Variants in DOCK9 observed in about 807,000 individuals in gnomAD.
The protein encoded by DOCK9 is dedicator of cytokinesis 9.
DOCK9 carries 89 observed loss-of-function variants against 263.3 expected under a neutral mutation model. The ratio of observed to expected loss-of-function variants is 0.34; its 90% CI spans 0.28 to 0.40. The LOEUF (loss-of-function observed/expected upper bound fraction) is 0.40. DOCK9 is among the 10% of genes least tolerant of loss of function. DOCK9 has a pLI of 1.00. For synonymous variants in DOCK9, 976 were observed against 973.1 expected, an observed-to-expected ratio of 1.00 and a Z score of -0.06; for missense variants, 2,140 against 2,603.4, an observed-to-expected ratio of 0.82 and a Z score of 3.87.
chr13:98,887,141 ATATTTTTTT>A (rs2045850053), intron 18 of DOCK9, among the ~76,000 whole-genome samples: 1 of 59,640 alleles, frequency 1.7e-5, no homozygotes, highest in Non-Finnish European at 3.0e-5. Flanking sequence ...ATATATATAT[ATATTTTTTT>A]TTTTTTTTTT....
chr13:98,835,772 G>GCT (rs1223173625), intron 39 of DOCK9, among the ~76,000 whole-genome samples: 1 of 116,466 alleles, frequency 8.6e-6, no homozygotes, highest in Non-Finnish European at 1.6e-5. Flanking sequence ...ACGAAGTCTT[G>GCT]CTCTGTTGCC....
intron 9 of DOCK9, 118 bp from the exon 10 acceptor site, chr13:98,904,824 G>A (rs1039445884): frequency 3.5e-5 from 28 of 806,882 alleles, no homozygotes; most frequent in African/African-American, 2.1e-4. Context: ...GCTCTGCCTC[G>A]TGTTGGAGAG....
intron 1 of DOCK9, among the ~76,000 whole-genome samples, chr13:99,058,532 T>C (rs2041033668): frequency 6.6e-6 from 1 of 152,066 alleles, no homozygotes. Context: ...AGATGAGACA[T>C]CTGCTTGTGT....
intron 52 of DOCK9, among the ~76,000 whole-genome samples, chr13:98,795,815 G>A (rs905934235): frequency 4.6e-5 from 7 of 150,964 alleles, no homozygotes; most frequent in Non-Finnish European, 8.8e-5. Flanking sequence ...CTAGAGGGTA[G>A]TGGCATGATC....
intron 49 of DOCK9, among the ~76,000 whole-genome samples, chr13:98,803,435 C>G (rs1034851828): frequency 1.1e-4 from 16 of 152,248 alleles, no homozygotes; most frequent in Non-Finnish European, 2.9e-5. Flanking sequence ...TCTGAGCATG[C>G]ACCAGGATAA....
In DOCK9 at chr13:98,933,694, C is replaced by T. The variant is rs370987607; in HGVS notation, c.244-3437G>A. 1.7e-4 allele frequency among the ~76,000 whole-genome samples: 26 copies of T among 152,358 alleles called. 1 individual carries two copies. The South Asian group carries it at 5.0e-3, about 29-fold the overall frequency. ...CTTCGTGCATGTCTTGAACTACACA[C>T]TATTTGATCTCTTTCAGATAATCTC... On this transcript the variant is annotated intron_variant, in intron 2 of 52. Transcript: ENST00000682017.
intron 1 of DOCK9, among the ~76,000 whole-genome samples, chr13:98,974,927 TAGAA>T (rs2060092158): frequency 6.6e-6 from 1 of 152,142 alleles, no homozygotes; most frequent in Non-Finnish European, 1.5e-5. Flanking sequence ...GAACTTATGA[TAGAA>T]AGTTTCTAGA....
intron 20 of DOCK9, 90 bp from the exon 21 acceptor site, chr13:98,885,182 T>A: frequency 1.3e-6 from 2 of 1,520,108 alleles, no homozygotes; most frequent in South Asian, 2.6e-5. Flanking sequence ...CGTCTGATTT[T>A]TAAGAACTTT....
chr13:98,952,218 G>A (rs560091300), intron 2 of DOCK9, among the ~76,000 whole-genome samples: 12 of 151,266 alleles, frequency 7.9e-5, no homozygotes, highest in African/African-American at 2.9e-4. Flanking sequence ...ATAACCTGAT[G>A]GCTGGGAACT....
At chr13:98,928,792 T>C (rs1283710885) in intron 3 of DOCK9, among the ~76,000 whole-genome samples, 1 of 152,316 alleles carries the variant, frequency 6.6e-6, no homozygotes, top group Non-Finnish European at 1.5e-5. Flanking sequence ...TTGCAGGTCA[T>C]AGTTTGCCAC....
chr13:98,907,322 C>T (rs1036108556), intron 9 of DOCK9, among the ~76,000 whole-genome samples: 6 of 152,296 alleles, frequency 3.9e-5, no homozygotes, highest in South Asian at 2.1e-4. Flanking sequence ...TGTTCTCAGA[C>T]GCTAGAGCAG....
At chr13:98,861,723 A>C (rs2093876529) in intron 32 of DOCK9, among the ~76,000 whole-genome samples, 2 of 152,238 alleles carry the variant, frequency 1.3e-5, no homozygotes, top group African/African-American at 4.8e-5. Flanking sequence ...ACTGAGTAAA[A>C]AAGAGCAAAA....
At position 98,902,335 on chromosome 13, in the gene DOCK9, C is replaced by T; in HGVS notation, c.1333G>A (p.Val445Ile). The change falls in exon 12 of 53, where the codon GTC becomes ATC. Residue 445 changes from valine (V) to isoleucine (I), a missense_variant. This residue lies in a region of DOCK9 where 1,521 missense variants were observed against 1,741.7 expected (regional missense o/e 0.87). Transcript: ENST00000682017. ...LMNGSGQSPS[V>I]LKGILHEAAM... is the part of the protein sequence containing the mutation. ...GCTTCATGAAGGATGCCCTTGAGGA[C>T]AGATGGGCTCTGCCCACTGCCATTC... 6.2e-7 allele frequency: 1 copy of T among 1,614,032 alleles called. No individual in the cohort carries two copies. The highest frequency in any genetic ancestry group is 8.5e-7 in the Non-Finnish European group (1 of 1,179,896).
chr13:98,878,974 C>T (rs1164359729), intron 27 of DOCK9, among the ~76,000 whole-genome samples: 2 of 152,104 alleles, frequency 1.3e-5, no homozygotes, highest in Non-Finnish European at 2.9e-5. Context: ...GGACCCAGCA[C>T]CACCCGCTCC....
At chr13:98,994,229 T>G (rs1199491762) in intron 1 of DOCK9, among the ~76,000 whole-genome samples, 1 of 152,254 alleles carries the variant, frequency 6.6e-6, no homozygotes, top group Non-Finnish European at 1.5e-5. Flanking sequence ...TTCTGCCCAC[T>G]TGGGCTTGTT....
At chr13:98,965,193 C>T (rs1282711197) in intron 1 of DOCK9, among the ~76,000 whole-genome samples, 2 of 152,084 alleles carry the variant, frequency 1.3e-5, no homozygotes, top group African/African-American at 2.4e-5. Flanking sequence ...GAGAGACACA[C>T]AGGAAGGTCC....
At chr13:98,964,521 A>C (rs1172397484) in intron 1 of DOCK9, among the ~76,000 whole-genome samples, 3 of 152,234 alleles carry the variant, frequency 2.0e-5, no homozygotes, top group Non-Finnish European at 4.4e-5. Flanking sequence ...GTAAGGCCTG[A>C]AACATGCACA....
chr13:98,979,802 A>G (rs1876690618), upstream of DOCK9, among the ~76,000 whole-genome samples: 1 of 152,192 alleles, frequency 6.6e-6, no homozygotes, highest in African/African-American at 2.4e-5. Context: ...AGTCGAAATT[A>G]TAGTAAAGTA....
In DOCK9 at chr13:99,008,232, A is replaced by ATTTTTT. The variant is rs1403824024; in HGVS notation, c.130-52682_130-52681insAAAAAA. ...TCTCTCTATATATATATATATATAT[A>ATTTTTT]TATTTTTTTTTTTTTTTGAGACGAA... On this transcript the variant is annotated intron_variant, in intron 1 of 32. Coordinates refer to the DOCK9 transcript ENST00000427887. Among the ~76,000 whole-genome samples, 49 of 103,374 alleles carry ATTTTTT rather than the reference A, an allele frequency of 4.7e-4. No homozygotes were observed. In the South Asian group the frequency reaches 0.015, roughly 31 times the overall value. 67.8% of individuals were successfully genotyped at this position (103,374 alleles called of 152,430 possible).
Sources: allele counts gnomAD v4.1 joint callset (sites outside exome capture counted in the v4.1 genomes callset), GRCh38; gene constraint gnomAD v4.1.1; regional missense constraint gnomAD v4.1.1; transcripts MANE v1.5; gene names NCBI Gene and HGNC (gene_info 2026-07-23, HGNC 2026-07-21).